ATP5PB: variants seen among roughly 807,000 people sequenced by gnomAD.
The protein encoded by ATP5PB is ATP synthase peripheral stalk subunit b, mitochondrial.
Under a neutral mutation model 34.5 loss-of-function variants are expected in ATP5PB, and 21 were observed. The observed-to-expected ratio is 0.61, with a 90% CI of 0.43 to 0.88. The LOEUF is 0.88. Among genes scored for constraint, ATP5PB ranks in the 40% least tolerant of loss-of-function variants. ATP5PB has a pLI of 0.00. For missense variants in ATP5PB, 293 were observed against 317.4 expected, an observed-to-expected ratio of 0.92 and a Z score of 0.58; for synonymous variants, 108 against 114.1, an observed-to-expected ratio of 0.95 and a Z score of 0.34.
chr1:111,449,704 C>T, intron 1 of ATP5PB, 123 bp downstream of exon 1: 3 of 1,553,612 alleles, frequency 1.9e-6, no homozygotes, highest in Non-Finnish European at 2.6e-6. Flanking sequence ...CAGTGCAGTT[C>T]GGAAGGGAGC....
At position 111,456,166 on chromosome 1, in the gene ATP5PB, G is replaced by T. The variant is rs11553282; in HGVS notation, c.304G>T (p.Ala102Ser). ...IYVISAETFT[A>S]LSVLGVMVYG... ...TGTGATTAGCGCAGAGACCTTCACT[G>T]CCCTATCAGTACTAGGTGTAATGGT... The change falls in exon 4 of 7, where the codon GCC becomes TCC. Residue 102 changes from alanine (A) to serine (S), a missense_variant. Transcript: ENST00000369722. The T allele has an allele frequency of 1.2e-6, 2 of 1,612,802 alleles. No individual in the cohort carries two copies. Among genetic ancestry groups the T allele is most frequent in the Middle Eastern group, 3.3e-4 (2 of 6,016 alleles).
intron 2 of ATP5PB, among the ~76,000 whole-genome samples, chr1:111,450,598 A>C (rs945329302): frequency 1.3e-5 from 2 of 152,222 alleles, no homozygotes; most frequent in African/African-American, 4.8e-5. Context: ...TTCTTGGTAC[A>C]TAGCGTGTGC....
intron 1 of ATP5PB, 45 bp from the exon 2 acceptor site, chr1:111,449,792 C>T (rs1468024322): frequency 6.2e-7 from 1 of 1,613,692 alleles, no homozygotes; most frequent in Non-Finnish European, 8.5e-7. Context: ...AAGGGCAAAC[C>T]AGATTTCATT....
At chr1:111,449,775 G>A (rs534647797) in intron 1 of ATP5PB, 62 bp from the exon 2 acceptor site, 2 of 1,611,386 alleles carry the variant, frequency 1.2e-6, no homozygotes, top group East Asian at 2.2e-5. Flanking sequence ...CCTGGCGGGG[G>A]TAAGGAAAGG....
chr1:111,454,062 C>T, intron 2 of ATP5PB, 149 bp from the exon 3 acceptor site: 1 of 838,558 alleles, frequency 1.2e-6, no homozygotes, highest in Non-Finnish European at 1.7e-6. Context: ...TGGACCCTAA[C>T]CTTCCCATTC....
chr1:111,458,590 A>G (rs764374151), intron 5 of ATP5PB, among the ~76,000 whole-genome samples: 5 of 150,796 alleles, frequency 3.3e-5, no homozygotes, highest in Non-Finnish European at 5.9e-5. Context: ...AAGGAGATAG[A>G]GGGAGGCCTG....
chr1:111,454,993 G>A (rs1336383532), intron 3 of ATP5PB, among the ~76,000 whole-genome samples: 1 of 152,132 alleles, frequency 6.6e-6, no homozygotes, highest in East Asian at 1.9e-4. Context: ...ATGAGTAACT[G>A]TATAATATAC....
intron 5 of ATP5PB, among the ~76,000 whole-genome samples, chr1:111,458,805 T>C (rs556163737): frequency 1.1e-3 from 165 of 152,320 alleles, no homozygotes; most frequent in Middle Eastern, 3.4e-3. Context: ...TGTATGCTGA[T>C]CTTGGCTTCA....
In ATP5PB at chr1:111,449,512, C is replaced by T. The variant is rs759592698; in HGVS notation, c.-30C>T. ...TTCTCCTATCGGGGTCACAGGGACG[C>T]TAAGATTGCTACCTGGACTTTCGTT... On this transcript the variant is annotated 5_prime_UTR_variant, in exon 1 of 7. Coordinates refer to ENST00000369722, the MANE Select transcript of ATP5PB (RefSeq NM_001688.5). 13 of 1,614,148 alleles carry T rather than the reference C, an allele frequency of 8.1e-6. No individual in the cohort carries two copies. Among genetic ancestry groups the T allele is most frequent in the Non-Finnish European group, 1.1e-5 (13 of 1,180,014 alleles).
At chr1:111,452,530 C>T (rs370692775) in intron 2 of ATP5PB, among the ~76,000 whole-genome samples, 1 of 152,270 alleles carries the variant, frequency 6.6e-6, no homozygotes, top group South Asian at 2.1e-4. Context: ...GAGATCATGC[C>T]ACTGTGCTCC....
At chr1:111,456,429 C>T (rs563361464) in intron 4 of ATP5PB, among the ~76,000 whole-genome samples, 180 bp downstream of exon 4, 13 of 152,272 alleles carry the variant, frequency 8.5e-5, no homozygotes, top group Admixed American at 5.9e-4. Context: ...AACACTTTAG[C>T]TTTTCTATAG....
rs1271417407 is a variant in ATP5PB at position 111,462,555 on chromosome 1, T to A, written c.*1561T>A. 1 of 152,236 alleles carries A rather than the reference T, an allele frequency of 6.6e-6. No individual in the cohort carries two copies. The highest frequency in any genetic ancestry group is 2.4e-5 in the African/African-American group (1 of 41,464). 9.4% of individuals were successfully genotyped at this position (152,236 alleles called of 1,614,324 possible). A position where few individuals can be genotyped will look rare whatever the true frequency, so the allele number is the denominator to read the frequency against. Reference sequence around the variant, plus strand: ...GTACAAGGATTTATTTGTATTCAAATGGACAAATTACGCAATAGGAAATAT... The same window carrying A: ...GTACAAGGATTTATTTGTATTCAAAAGGACAAATTACGCAATAGGAAATAT... On this transcript the variant is annotated 3_prime_UTR_variant, in exon 7 of 7. Transcript: ENST00000369722.
Position 111,462,705 on chromosome 1 carries a change from T to C in ATP5PB, c.*1711T>C, listed in dbSNP as rs1472753011. 1 of 152,254 alleles carries C rather than the reference T, an allele frequency of 6.6e-6. No individual in the cohort carries two copies. Among genetic ancestry groups the C allele is most frequent in the South Asian group, 2.1e-4 (1 of 4,834 alleles). The allele number at this position is 152,254 out of a possible 1,614,324, so 9.4% of individuals were successfully genotyped here. A position where few individuals can be genotyped will look rare whatever the true frequency, so the allele number is the denominator to read the frequency against. ...AATATTGAAATCAGATTGATATCTTTGTTACTTAAAGATAATTTGATTGGA... is the reference window on the plus strand; with the variant it reads ...AATATTGAAATCAGATTGATATCTTCGTTACTTAAAGATAATTTGATTGGA... On this transcript the variant is annotated 3_prime_UTR_variant, in exon 7 of 7. Transcript: ENST00000369722.
chr1:111,451,118 T>TC (rs1653317025), intron 2 of ATP5PB, among the ~76,000 whole-genome samples: 1 of 152,092 alleles, frequency 6.6e-6, no homozygotes, highest in Admixed American at 6.5e-5. Context: ...ATTATGTCAA[T>TC]CCCCCACCAA....
Position 111,454,279 on chromosome 1 carries a change from A to C in ATP5PB, c.146A>C (p.Glu49Ala). 2 of 1,613,530 alleles carry C rather than the reference A, an allele frequency of 1.2e-6. No homozygotes were observed. Among genetic ancestry groups the C allele is most frequent in the Non-Finnish European group, 1.7e-6 (2 of 1,179,846 alleles). Residue 49 changes from glutamate (E) to alanine (A), a missense_variant, in exon 3 of 7, where the codon GAA becomes GCA. Transcript: ENST00000369722. ...CTTGTCCCTGTACCACCTCTTCCTG[A>C]ATACGGAGGAAAAGTTCGTTATGGA... Reference protein sequence around the residue: ...PHLVPVPPLPEYGGKVRYGLI... With the variant: ...PHLVPVPPLPAYGGKVRYGLI...
chr1:111,455,715 A>G (rs866538454), intron 3 of ATP5PB, among the ~76,000 whole-genome samples: 6 of 152,220 alleles, frequency 3.9e-5, no homozygotes, highest in African/African-American at 1.4e-4. Flanking sequence ...TGGACAAATT[A>G]CTTCAGAAAG....
intron 5 of ATP5PB, among the ~76,000 whole-genome samples, chr1:111,457,750 A>G (rs1266686201): frequency 6.6e-6 from 1 of 152,174 alleles, no homozygotes. Flanking sequence ...CTTAGGGGCT[A>G]TCCAGAATCT....
chr1:111,462,675 A>C lies in ATP5PB; in HGVS notation c.*1681A>C, dbSNP rs1418291549. The stretch of plus-strand genomic sequence containing the variant: ...AGTCAATATTGGTAGCTAATGTACT[A>C]ATCTAATATTGAAATCAGATTGATA... On this transcript the variant is annotated 3_prime_UTR_variant, in exon 7 of 7. Coordinates refer to ENST00000369722, the MANE Select transcript of ATP5PB (RefSeq NM_001688.5). 6.6e-6 allele frequency: 1 copy of C among 152,266 alleles called. No individual in the cohort carries two copies. Among genetic ancestry groups the C allele is most frequent in the East Asian group, 1.9e-4 (1 of 5,206 alleles). 9.4% of individuals were successfully genotyped at this position (152,266 alleles called of 1,614,324 possible). A position where few individuals can be genotyped will look rare whatever the true frequency, so the allele number is the denominator to read the frequency against.
chr1:111,451,060 ATC>A (rs1653314282), intron 2 of ATP5PB, among the ~76,000 whole-genome samples: 1 of 152,182 alleles, frequency 6.6e-6, no homozygotes, highest in Admixed American at 6.5e-5. Flanking sequence ...TTAGTCTTGC[ATC>A]TCTATTCTTG....
Sources: allele counts gnomAD v4.1 joint callset (sites outside exome capture counted in the v4.1 genomes callset), GRCh38; gene constraint gnomAD v4.1.1; transcripts MANE v1.5; gene names NCBI Gene and HGNC (gene_info 2026-07-23, HGNC 2026-07-21).